DENND2A: variants seen among roughly 807,000 people sequenced by gnomAD.
DENND2A encodes DENN domain-containing protein 2A.
DENND2A carries 53 observed loss-of-function variants against 105.3 expected under a neutral mutation model. That is an observed-to-expected ratio of 0.50 (90% CI 0.40 to 0.63). The LOEUF is 0.63. DENND2A is among the 30% of genes least tolerant of loss of function. The probability of loss-of-function intolerance (pLI) is 0.00; values close to 1 mark genes in which losing one functional copy is unlikely to be tolerated. For missense variants in DENND2A, 1,138 were observed against 1,279.6 expected, an observed-to-expected ratio of 0.89 and a Z score of 1.69; for synonymous variants, 522 against 508.4, an observed-to-expected ratio of 1.03 and a Z score of -0.36.
At chr7:140,593,617 C>A (rs1799153607) in intron 3 of DENND2A, among the ~76,000 whole-genome samples, 1 of 152,196 alleles carries the variant, frequency 6.6e-6, no homozygotes, top group Non-Finnish European at 1.5e-5. Flanking sequence ...CTGATGAGAA[C>A]CAACTCCTTG....
At chr7:140,518,856 C>T in intron 19 of DENND2A, 118 bp from the exon 20 acceptor site, 1 of 833,230 alleles carries the variant, frequency 1.2e-6, no homozygotes, top group Non-Finnish European at 2.0e-6. Context: ...CCCCAGGGAG[C>T]CTCATCCCTT....
chr7:140,621,398 AC>A lies in DENND2A; in HGVS notation c.-247-15593del, dbSNP rs201456320. Among the ~76,000 whole-genome samples the A allele has an allele frequency of 8.0e-3, 1,204 of 149,610 alleles. 12 individuals carry two copies. The highest frequency in any genetic ancestry group is 0.027 in the African/African-American group (1,136 of 41,338). On this transcript the variant is annotated intron_variant, in intron 1 of 19. Transcript: ENST00000496613. ...TAATACCCAATACAACCTAAATGCTACGTAAATAGTTGTTATACTGTGTTGT... is the reference window on the plus strand; with the variant it reads ...TAATACCCAATACAACCTAAATGCTAGTAAATAGTTGTTATACTGTGTTGT...
At chr7:140,534,965 A>G (rs1796407992) in intron 14 of DENND2A, among the ~76,000 whole-genome samples, 2 of 152,114 alleles carry the variant, frequency 1.3e-5, no homozygotes, top group Non-Finnish European at 2.9e-5. Context: ...GTGGTTCCTG[A>G]GTGTTGGAGC....
At chr7:140,603,968 A>T (rs1264614799) in intron 2 of DENND2A, among the ~76,000 whole-genome samples, 1 of 152,246 alleles carries the variant, frequency 6.6e-6, no homozygotes, top group African/African-American at 2.4e-5. Flanking sequence ...TGAAGATATT[A>T]GAAATTATTT....
At chr7:140,532,397 G>T (rs1385180093) in intron 14 of DENND2A, among the ~76,000 whole-genome samples, 2 of 152,234 alleles carry the variant, frequency 1.3e-5, no homozygotes, top group East Asian at 3.8e-4. Context: ...TTCATGAGAA[G>T]ATCCATGGTC....
At chr7:140,584,978 C>T (rs1798718858) in intron 5 of DENND2A, among the ~76,000 whole-genome samples, 1 of 152,202 alleles carries the variant, frequency 6.6e-6, no homozygotes, top group Non-Finnish European at 1.5e-5. Flanking sequence ...GCAGCTGGAT[C>T]ACTTGAGCCT....
At chr7:140,604,080 G>A (rs1799610358) in intron 2 of DENND2A, among the ~76,000 whole-genome samples, 1 of 152,248 alleles carries the variant, frequency 6.6e-6, no homozygotes, top group Non-Finnish European at 1.5e-5. Flanking sequence ...TGAGTACAGT[G>A]ACTTTGGATG....
At position 140,536,672 on chromosome 7, in the gene DENND2A, A is replaced by AT. The variant is rs527666852; in HGVS notation, c.2327+7945dup. 7.9e-3 allele frequency among the ~76,000 whole-genome samples: 1,183 copies of AT among 150,132 alleles called. 19 individuals are homozygous for AT. The highest frequency in any genetic ancestry group is 0.026 in the African/African-American group (1,082 of 41,006). The stretch of plus-strand genomic sequence containing the variant: ...TGTACAATTATACTATTAAAATTGT[A>AT]TTTTTTTTTTGAAATGGAGTCTTGC... On this transcript the variant is annotated intron_variant, in intron 14 of 19. Transcript: ENST00000496613.
chr7:140,564,139 T>G (rs1047856474), intron 9 of DENND2A, among the ~76,000 whole-genome samples: 10 of 151,990 alleles, frequency 6.6e-5, no homozygotes, highest in African/African-American at 2.4e-4. Flanking sequence ...AAAAATTAGT[T>G]GGGCATGGTG....
intron 3 of DENND2A, among the ~76,000 whole-genome samples, chr7:140,598,791 G>A (rs1375001728): frequency 1.3e-5 from 2 of 152,110 alleles, no homozygotes; most frequent in Non-Finnish European, 2.9e-5. Context: ...CATATTTTAT[G>A]TATGTGAAAT....
Position 140,573,824 on chromosome 7 carries a change from T to C in DENND2A, c.1430A>G (p.Lys477Arg), listed in dbSNP as rs1798191504. The C allele has an allele frequency of 1.2e-6, 2 of 1,613,624 alleles. No homozygotes were observed. Among genetic ancestry groups the C allele is most frequent in the Non-Finnish European group, 8.5e-7 (1 of 1,179,752 alleles). ...NLGDPQNGRKKRKIPKLVLRI... is the reference protein window; with the variant it reads ...NLGDPQNGRKRRKIPKLVLRI... ...CACCATTACCTTGGGTATCTTTCTC[T>C]TCTTCCTGCCGTTCTGTGGGTCTCC... The change falls in exon 6 of 20, where the codon AAG (lysine) becomes AGG (arginine). Residue 477 changes from lysine (K) to arginine (R), a missense_variant. By Grantham distance (26) the Lys-to-Arg change is conservative. Coordinates refer to ENST00000496613, the MANE Select transcript of DENND2A (RefSeq NM_015689.5).
intron 5 of DENND2A, among the ~76,000 whole-genome samples, chr7:140,575,262 T>A (rs1191521933): frequency 6.6e-6 from 1 of 152,080 alleles, no homozygotes; most frequent in Non-Finnish European, 1.5e-5. Context: ...AAAAGAAAAT[T>A]AAAGCTCCAT....
At chr7:140,624,355 AACAACAACAAC>A (rs1193958995) in intron 1 of DENND2A, among the ~76,000 whole-genome samples, 2 of 120,044 alleles carry the variant, frequency 1.7e-5, no homozygotes, top group Non-Finnish European at 3.5e-5. Flanking sequence ...AAGGCAAAAC[AACAACAACAAC>A]ACAACAACAA....
At chr7:140,598,764 A>G (rs1799377131) in intron 3 of DENND2A, among the ~76,000 whole-genome samples, 1 of 152,190 alleles carries the variant, frequency 6.6e-6, no homozygotes, top group African/African-American at 2.4e-5. Context: ...ATTATATATT[A>G]ATTACAAAAA....
chr7:140,577,244 G>A (rs1395093825), intron 5 of DENND2A, among the ~76,000 whole-genome samples: 3 of 152,188 alleles, frequency 2.0e-5, no homozygotes, highest in Non-Finnish European at 2.9e-5. Context: ...AGTGGTGAGG[G>A]AGAGTAAATT....
At chr7:140,545,705 G>A (rs1443910410) in intron 13 of DENND2A, among the ~76,000 whole-genome samples, 1 of 152,138 alleles carries the variant, frequency 6.6e-6, no homozygotes, top group Non-Finnish European at 1.5e-5. Context: ...TTGTTGAAAT[G>A]TTCCTGAATT....
At chr7:140,636,193 C>T (rs978593511) in intron 1 of DENND2A, among the ~76,000 whole-genome samples, 2 of 152,008 alleles carry the variant, frequency 1.3e-5, no homozygotes, top group Non-Finnish European at 2.9e-5. Context: ...AGCAACAATG[C>T]GTGTGGGCAG....
intron 6 of DENND2A, among the ~76,000 whole-genome samples, chr7:140,570,734 C>G (rs552040047): frequency 1.3e-5 from 2 of 152,366 alleles, no homozygotes; most frequent in Non-Finnish European, 2.9e-5. Context: ...TGGTCTCCCC[C>G]ATCACCACTG....
chr7:140,543,717 T>G (rs1235294600), intron 14 of DENND2A: 1 of 151,446 alleles, frequency 6.6e-6, no homozygotes, highest in Non-Finnish European at 1.5e-5. Flanking sequence ...CCTCAGCCTC[T>G]TGAGTAGCTG....
Sources: gnomAD v4.1 joint callset for allele counts (sites outside exome capture counted in the v4.1 genomes callset) on GRCh38, gnomAD v4.1.1 for gene constraint, MANE v1.5 for transcripts, NCBI Gene and HGNC (gene_info 2026-07-23, HGNC 2026-07-21) for gene names.